Variants in TUT1 observed in about 807,000 individuals in gnomAD.
TUT1 encodes speckle targeted PIP5K1A-regulated poly(A) polymerase.
Under a neutral mutation model 48.8 loss-of-function variants are expected in TUT1, and 26 were observed. The ratio of observed to expected loss-of-function variants is 0.53; its 90% CI spans 0.39 to 0.74. The LOEUF (loss-of-function observed/expected upper bound fraction) is 0.74, where lower values mean the gene tolerates loss of function less well. TUT1 is among the 30% of genes least tolerant of loss of function. The pLI, the probability that TUT1 is intolerant of heterozygous loss-of-function variation, is 0.00. For synonymous variants in TUT1, 470 were observed against 460.8 expected (o/e 1.02, Z -0.26); for missense variants, 1,065 against 1,114.8 (o/e 0.96, Z 0.64).
In TUT1 at chr11:62,578,990, G is replaced by C; in HGVS notation, c.731C>G (p.Ala244Gly). Residue 244 changes from alanine to glycine, a missense_variant, in exon 5 of 9, where the codon GCC (alanine) becomes GGC (glycine). Transcript: ENST00000476907. Reference protein sequence around the residue: ...KAPESPSLDSALASPLDPQAL... With the variant: ...KAPESPSLDSGLASPLDPQAL... ...TTGAGGGTCCAGTGGGGAAGCCAGGGCCGAGTCCAGCGATGGAGATTCTGG... is the reference window on the plus strand; with the variant it reads ...TTGAGGGTCCAGTGGGGAAGCCAGGCCCGAGTCCAGCGATGGAGATTCTGG... 2 of 1,518,164 alleles carry C rather than the reference G, an allele frequency of 1.3e-6. No homozygotes were observed. Among genetic ancestry groups the C allele is most frequent in the Non-Finnish European group, 1.8e-6 (2 of 1,134,688 alleles). 94.0% of individuals were successfully genotyped at this position (1,518,164 alleles called of 1,614,324 possible).
chr11:62,581,831 A>G (rs1941832084), intron 2 of TUT1, 130 bp from the exon 3 acceptor site: 3 of 871,530 alleles, frequency 3.4e-6, no homozygotes, highest in Non-Finnish European at 4.8e-6. Flanking sequence ...TGTTTTCATA[A>G]TAACAGGGGA....
At position 62,582,413 on chromosome 11, in the gene TUT1, C is replaced by T. The variant is rs116628382; in HGVS notation, c.274-712G>A. 452 of 282,802 alleles carry T rather than the reference C, an allele frequency of 1.6e-3. 4 individuals carry two copies. Among genetic ancestry groups the T allele is most frequent in the African/African-American group, 9.2e-3 (406 of 43,996 alleles). The allele number at this position is 282,802 out of a possible 1,614,324, so 17.5% of individuals were successfully genotyped here. A position where few individuals can be genotyped will look rare whatever the true frequency, so the allele number is the denominator to read the frequency against. ...CCAGTCTGGGTGACACAACCACACC[C>T]TGTCTCAAAAAAAAAAAGAAAAGAA... is the stretch of plus-strand genomic sequence containing the variant. On this transcript the variant is annotated intron_variant, in intron 2 of 8. Transcript: ENST00000476907.
rs757630796 is a variant in TUT1 at position 62,576,942 on chromosome 11, A to C, written c.1346T>G (p.Val449Gly). 2 of 1,614,138 alleles carry C rather than the reference A, an allele frequency of 1.2e-6. No homozygotes were observed. The highest frequency in any genetic ancestry group is 2.2e-5 in the South Asian group (2 of 91,076). Residue 449 changes from valine to glycine, a missense_variant, in exon 7 of 9, where the codon GTG becomes GGG. Physicochemically the swap from Val to Gly is moderately radical, Grantham distance 109. Coordinates refer to ENST00000476907, the MANE Select transcript of TUT1 (RefSeq NM_022830.3). ...IYFLQTRDPP[V>G]LPTVSQLTQK... ...GGTGAGCTGGGACACAGTGGGCAACACAGGAGGGTCCCTGGTCTGAAGAAA... is the reference window on the plus strand; with the variant it reads ...GGTGAGCTGGGACACAGTGGGCAACCCAGGAGGGTCCCTGGTCTGAAGAAA...
In TUT1 at chr11:62,576,240, G is replaced by A. The variant is rs1941725753; in HGVS notation, c.1479C>T (p.Ser493=). The A allele has an allele frequency of 1.9e-6, 3 of 1,570,294 alleles. No individual in the cohort carries two copies. The highest frequency in any genetic ancestry group is 2.6e-6 in the Non-Finnish European group (3 of 1,158,384). The change falls in exon 9 of 9, where the codon TCC becomes TCT. Residue 493 remains serine (S), a synonymous_variant. Coordinates refer to ENST00000476907, the MANE Select transcript of TUT1 (RefSeq NM_022830.3). ...EPSINVEPLS[S]LLAQFFSCVS... ...CACAGGAGAAGAACTGGGCTAGCAG[G>A]GAACCTGGAGGAGGAGGAAGAGTGG...
chr11:62,589,065 C>T lies in TUT1; in HGVS notation c.239G>A (p.Gly80Glu), dbSNP rs1255451340. The T allele has an allele frequency of 3.7e-6, 6 of 1,613,928 alleles. No individual in the cohort carries two copies. The highest frequency in any genetic ancestry group is 5.1e-6 in the Non-Finnish European group (6 of 1,179,900). ...GTCCATGACAACACTGGCCACAGGTCCAAATGCTAGGAAGTACTCAGAGAG... is the reference window on the plus strand; with the variant it reads ...GTCCATGACAACACTGGCCACAGGTTCAAATGCTAGGAAGTACTCAGAGAG... ...AQLSEYFLAF[G>E]PVASVVMDKD... The change falls in exon 2 of 9, where the codon GGA (glycine) becomes GAA (glutamate). Residue 80 changes from glycine to glutamate, a missense_variant. Coordinates refer to ENST00000476907, the MANE Select transcript of TUT1 (RefSeq NM_022830.3).
chr11:62,581,290 G>A (rs1249236733), intron 3 of TUT1, 84 bp from the exon 4 acceptor site: 1 of 1,562,932 alleles, frequency 6.4e-7, no homozygotes, highest in African/African-American at 1.4e-5. Context: ...AGATGGAAGA[G>A]CAACCAAACA....
At position 62,577,273 on chromosome 11, in the gene TUT1, G is replaced by A; in HGVS notation, c.1179C>T (p.Ser393=). ...SLSNRLALHN[S]RFLSLCSELD... Reference sequence around the variant, plus strand: ...GCTCAGAGCAGAGACTCAGGAAACGGGAGTTATGCAGGGCCAGCCTGGGAC... The same window carrying A: ...GCTCAGAGCAGAGACTCAGGAAACGAGAGTTATGCAGGGCCAGCCTGGGAC... The change falls in exon 6 of 9, where the codon TCC becomes TCT. Residue 393 remains serine, a synonymous_variant. Transcript: ENST00000476907. 6.2e-7 allele frequency: 1 copy of A among 1,612,902 alleles called. No individual in the cohort carries two copies. The highest frequency in any genetic ancestry group is 1.1e-5 in the South Asian group (1 of 90,992).
rs778837490 is a variant in TUT1 at position 62,578,601 on chromosome 11, G to C, written c.1120C>G (p.Arg374Gly). 3.1e-6 allele frequency: 5 copies of C among 1,613,092 alleles called. No homozygotes were observed. In the Admixed American group the frequency reaches 8.4e-5, roughly 27 times the overall value. Reference protein sequence around the residue: ...ARRPVVKFCHRPSGLHGDVSL... With the variant: ...ARRPVVKFCHGPSGLHGDVSL... ...ACATCACCGTGGAGACCTGAAGGCCGATGACAGAACTTGACCACAGGGCGC... is the reference window on the plus strand; with the variant it reads ...ACATCACCGTGGAGACCTGAAGGCCCATGACAGAACTTGACCACAGGGCGC... The change falls in exon 5 of 9, where the codon CGG becomes GGG. Residue 374 changes from arginine (R) to glycine (G), a missense_variant. Arg to Gly is a moderately radical substitution (Grantham distance 125, BLOSUM62 -2). Transcript: ENST00000476907.
chr11:62,575,917 C>T lies in TUT1; in HGVS notation c.1802G>A (p.Ser601Asn). The T allele has an allele frequency of 6.2e-7, 1 of 1,614,156 alleles. No homozygotes were observed. Among genetic ancestry groups the T allele is most frequent in the Non-Finnish European group, 8.5e-7 (1 of 1,180,002 alleles). Residue 601 changes from serine (S) to asparagine (N), a missense_variant, in exon 9 of 9, where the codon AGC (serine) becomes AAC (asparagine). By Grantham distance (46) the Ser-to-Asn change is conservative. Transcript: ENST00000476907. ...GATCGGCGTAGCAGAGAGCAGGGAGCTGGGGGAGCTGGGCTGCAGAAGAGG... is the reference window on the plus strand; with the variant it reads ...GATCGGCGTAGCAGAGAGCAGGGAGTTGGGGGAGCTGGGCTGCAGAAGAGG... The part of the protein sequence containing the change: ...LLPLLQPSSP[S>N]SLLSATPIPL...
chr11:62,585,840 A>G (rs963025202), intron 2 of TUT1, among the ~76,000 whole-genome samples: 42 of 152,022 alleles, frequency 2.8e-4, no homozygotes, highest in Non-Finnish European at 5.1e-4. Flanking sequence ...GCACGCCTGT[A>G]ATCCCAGCCT....
chr11:62,580,909 CCT>C (rs1941814142), intron 4 of TUT1, among the ~76,000 whole-genome samples, 195 bp downstream of exon 4: 1 of 152,082 alleles, frequency 6.6e-6, no homozygotes. Flanking sequence ...TGCGCCTGGC[CCT>C]GTCAGTTCAT....
chr11:62,583,853 G>A (rs1941868963), intron 2 of TUT1, among the ~76,000 whole-genome samples: 2 of 152,306 alleles, frequency 1.3e-5, no homozygotes, highest in Admixed American at 1.3e-4. Context: ...ACGGTGTCAA[G>A]AAGATTCAAT....
intron 1 of TUT1, 187 bp downstream of exon 1, chr11:62,591,217 G>A (rs1942007065): frequency 2.9e-6 from 2 of 691,082 alleles, no homozygotes; most frequent in Non-Finnish European, 3.6e-6. Flanking sequence ...CATATACTGA[G>A]GAGTGTAATG....
At chr11:62,588,861 A>G (rs1360585037) in intron 2 of TUT1, among the ~76,000 whole-genome samples, 170 bp downstream of exon 2, 1 of 152,134 alleles carries the variant, frequency 6.6e-6, no homozygotes, top group East Asian at 1.9e-4. Context: ...CACCCAGCTA[A>G]TTTTTTATTT....
At chr11:62,585,300 A>C (rs1382696233) in intron 2 of TUT1, among the ~76,000 whole-genome samples, 2 of 152,140 alleles carry the variant, frequency 1.3e-5, no homozygotes, top group Non-Finnish European at 2.9e-5. Flanking sequence ...TTCTACCCCT[A>C]TGCCAAACAC....
chr11:62,589,137 C>A lies in TUT1; in HGVS notation c.167G>T (p.Arg56Leu). 1 of 1,614,264 alleles carries A rather than the reference C, an allele frequency of 6.2e-7. No individual in the cohort carries two copies. The highest frequency in any genetic ancestry group is 8.5e-7 in the Non-Finnish European group (1 of 1,180,040). The change falls in exon 2 of 9, where the codon CGA becomes CTA. Residue 56 changes from arginine (R) to leucine (L), a missense_variant. Arg to Leu is a moderately radical substitution (Grantham distance 102, BLOSUM62 -2). Transcript: ENST00000476907. ...GGGAAAGCCACTGACAAACACACTTCGAAGTCCCTGGGCCTTTCTCGCAGC... is the reference window on the plus strand; with the variant it reads ...GGGAAAGCCACTGACAAACACACTTAGAAGTCCCTGGGCCTTTCTCGCAGC... Reference protein sequence around the residue: ...LRAARKAQGLRSVFVSGFPRD... With the variant: ...LRAARKAQGLLSVFVSGFPRD...
intron 8 of TUT1, 192 bp downstream of exon 8, chr11:62,576,465 C>A: frequency 2.6e-6 from 2 of 781,834 alleles, no homozygotes; most frequent in South Asian, 1.8e-5. Context: ...TCCTTGCTAG[C>A]CAGTGTAACC....
chr11:62,591,502 C>G lies in TUT1; in HGVS notation c.-17G>C, dbSNP rs867363665. The G allele has an allele frequency of 1.9e-6, 3 of 1,614,022 alleles. No individual in the cohort carries two copies. The highest frequency in any genetic ancestry group is 1.1e-5 in the South Asian group (1 of 91,022). On this transcript the variant is annotated 5_prime_UTR_variant, in exon 1 of 9. Coordinates refer to ENST00000476907, the MANE Select transcript of TUT1 (RefSeq NM_022830.3). The stretch of plus-strand genomic sequence containing the variant: ...CGCCGCCATAGCGACTCTCCTGTAC[C>G]GACAAAAACACAAGCACCTCTGCCA...
Position 62,577,244 on chromosome 11 carries a change from T to C in TUT1, c.1208A>G (p.Asp403Gly), listed in dbSNP as rs1322439477. The C allele has an allele frequency of 6.2e-7, 1 of 1,611,720 alleles. No homozygotes were observed. The highest frequency in any genetic ancestry group is 8.5e-7 in the Non-Finnish European group (1 of 1,179,358). ...GTACACGAGGGGCCGGACTCGACCA[T>C]CCAGCTCAGAGCAGAGACTCAGGAA... ...SRFLSLCSEL[D>G]GRVRPLVYTL... Residue 403 changes from aspartate to glycine, a missense_variant, in exon 6 of 9, where the codon GAT becomes GGT. Coordinates refer to ENST00000476907, the MANE Select transcript of TUT1 (RefSeq NM_022830.3).
Sources: allele counts gnomAD v4.1 joint callset (sites outside exome capture counted in the v4.1 genomes callset), GRCh38; gene constraint gnomAD v4.1.1; transcripts MANE v1.5; gene names NCBI Gene and HGNC (gene_info 2026-07-23, HGNC 2026-07-21).